The following BCL2L13 variants were observed in gnomAD, a reference collection of about 807,000 sequenced individuals.
BCL2L13 encodes the protein BCL2 like 13, also known as bcl-2-like protein 13.
BCL2L13 carries 13 observed loss-of-function variants against 25.8 expected under a neutral mutation model. The observed-to-expected ratio is 0.50, with a 90% CI of 0.33 to 0.80. BCL2L13 has a LOEUF of 0.80. BCL2L13 is among the 30% of genes least tolerant of loss of function. The pLI is 0.02. For synonymous variants in BCL2L13, 244 were observed against 230.3 expected (o/e 1.06, Z -0.54); for missense variants, 504 against 574.9 (o/e 0.88, Z 1.26).
chr22:17,645,030 C>T (rs1396089871), intron 1 of BCL2L13, among the ~76,000 whole-genome samples: 3 of 149,858 alleles, frequency 2.0e-5, no homozygotes, highest in African/African-American at 5.0e-5. Flanking sequence ...AGGATGGTCT[C>T]GATCTCCTAA....
At chr22:17,638,665 C>T, upstream of BCL2L13, 1 of 1,231,482 alleles carries the variant, frequency 8.1e-7, no homozygotes, top group Non-Finnish European at 1.0e-6. Flanking sequence ...CTCCGTTGGT[C>T]GGTCCTTCCG....
chr22:17,713,387 T>G (rs145834383), intron 6 of BCL2L13, among the ~76,000 whole-genome samples: 287 of 151,970 alleles, frequency 1.9e-3, no homozygotes, highest in African/African-American at 6.2e-3. Context: ...TAGTAGGTAT[T>G]GTAGAATATA....
chr22:17,666,499 T>C (rs2059238788), intron 2 of BCL2L13, among the ~76,000 whole-genome samples: 2 of 152,168 alleles, frequency 1.3e-5, no homozygotes, highest in Middle Eastern at 6.8e-3. Context: ...AGACCCCCAT[T>C]ACCCTTCTTA....
chr22:17,689,767 C>T (rs1346762797), intron 4 of BCL2L13, among the ~76,000 whole-genome samples: 4 of 149,952 alleles, frequency 2.7e-5, no homozygotes, highest in African/African-American at 9.8e-5. Flanking sequence ...CACTTGAACC[C>T]GGGAGGCAGA....
intron 6 of BCL2L13, among the ~76,000 whole-genome samples, chr22:17,720,154 T>TTTTCTTTCTTTATTTC (rs1555897225): frequency 7.1e-6 from 1 of 141,736 alleles, no homozygotes; most frequent in Non-Finnish European, 1.5e-5. Context: ...GTGGGTTTCA[T>TTTTCTTTCTTTATTTC]TTTCTTTCTT....
At chr22:17,676,975 TAGGC>T (rs1214496583) in intron 2 of BCL2L13, among the ~76,000 whole-genome samples, 1 of 152,234 alleles carries the variant, frequency 6.6e-6, no homozygotes, top group Non-Finnish European at 1.5e-5. Flanking sequence ...GTTATTTACT[TAGGC>T]AGAAGTAAGT....
At chr22:17,651,230 C>T (rs1355853809) in intron 1 of BCL2L13, among the ~76,000 whole-genome samples, 1 of 151,728 alleles carries the variant, frequency 6.6e-6, no homozygotes, top group East Asian at 1.9e-4. Flanking sequence ...GAACTCCTGA[C>T]CTCGTGATCT....
At chr22:17,631,664 G>GTA (rs2058019071) in intron 1 of BCL2L13, among the ~76,000 whole-genome samples, 46 of 26,886 alleles carry the variant, frequency 1.7e-3, no homozygotes, top group South Asian at 2.8e-3. Flanking sequence ...ATGTATGTGT[G>GTA]TGTGTGTATA....
At chr22:17,631,674 A>T (rs28498745) in intron 1 of BCL2L13, among the ~76,000 whole-genome samples, 1 of 14,406 alleles carries the variant, frequency 6.9e-5, no homozygotes, top group Non-Finnish European at 1.2e-4. Context: ...GTGTGTGTAT[A>T]TATATATATA....
At chr22:17,676,375 ATTGC>A (rs2059577030) in intron 2 of BCL2L13, among the ~76,000 whole-genome samples, 1 of 152,156 alleles carries the variant, frequency 6.6e-6, no homozygotes, top group Non-Finnish European at 1.5e-5. Context: ...AGGTGGGAGA[ATTGC>A]TTGAACCCAG....
chr22:17,698,980 A>C (rs1389401678), intron 5 of BCL2L13, among the ~76,000 whole-genome samples: 2 of 152,050 alleles, frequency 1.3e-5, no homozygotes, highest in Non-Finnish European at 2.9e-5. Flanking sequence ...TTTCCTGTAA[A>C]ATGTTCTCAT....
intron 1 of BCL2L13, among the ~76,000 whole-genome samples, chr22:17,639,991 A>G (rs2058215034): frequency 6.6e-6 from 1 of 151,876 alleles, no homozygotes; most frequent in Non-Finnish European, 1.5e-5. Flanking sequence ...AGTAGCTGGG[A>G]TTACAGGCAT....
In BCL2L13 at chr22:17,730,200, T is replaced by G. The variant is rs1197084329; in HGVS notation, c.*2666T>G. On this transcript the variant is annotated 3_prime_UTR_variant, in exon 7 of 7. Coordinates refer to ENST00000317582, the MANE Select transcript of BCL2L13 (RefSeq NM_015367.4). ...ATCCTCTCTGTATTAAAGTGATAATTCTGGGCCCACAGAAATCAGTCAGTA... is the reference window on the plus strand; with the variant it reads ...ATCCTCTCTGTATTAAAGTGATAATGCTGGGCCCACAGAAATCAGTCAGTA... 2.0e-5 allele frequency: 3 copies of G among 152,212 alleles called. No individual in the cohort carries two copies. Among genetic ancestry groups the G allele is most frequent in the African/African-American group, 7.2e-5 (3 of 41,448 alleles). 9.4% of individuals were successfully genotyped at this position (152,212 alleles called of 1,614,324 possible). A position where few individuals can be genotyped will look rare whatever the true frequency, so the allele number is the denominator to read the frequency against.
chr22:17,653,167 A>G (rs1199820039), intron 1 of BCL2L13, among the ~76,000 whole-genome samples: 6 of 152,168 alleles, frequency 3.9e-5, no homozygotes, highest in Admixed American at 1.3e-4. Flanking sequence ...AAAAAATTGT[A>G]AGCCAAACTG....
At chr22:17,653,851 A>G (rs570580726) in intron 1 of BCL2L13, among the ~76,000 whole-genome samples, 1 of 151,992 alleles carries the variant, frequency 6.6e-6, no homozygotes, top group Admixed American at 6.6e-5. Flanking sequence ...TTCTTTTTCT[A>G]TTTTTAAAAA....
intron 2 of BCL2L13, among the ~76,000 whole-genome samples, chr22:17,658,005 A>G (rs13054674): frequency 0.46 from 69,107 of 150,294 alleles, 16,762 homozygotes; most frequent in East Asian, 0.81. Flanking sequence ...AAATTTTAGT[A>G]GAGACAGGGT....
intron 2 of BCL2L13, among the ~76,000 whole-genome samples, chr22:17,681,454 G>T (rs960668408): frequency 6.6e-6 from 1 of 151,704 alleles, no homozygotes; most frequent in East Asian, 1.9e-4. Context: ...AGCAGAGCTT[G>T]CGCCACTGTA....
intron 5 of BCL2L13, 53 bp downstream of exon 5, chr22:17,696,263 G>C: frequency 7.2e-7 from 1 of 1,390,198 alleles, no homozygotes; most frequent in Non-Finnish European, 1.0e-6. Context: ...TTAATGATAA[G>C]ACGTAGGAGG....
In BCL2L13 at chr22:17,683,307, AAG is replaced by A; in HGVS notation, c.217_218del (p.Glu73AsnfsTer3). 6.5e-7 allele frequency: 1 copy of A among 1,549,852 alleles called. No individual in the cohort carries two copies. The highest frequency in any genetic ancestry group is 8.8e-7 in the Non-Finnish European group (1 of 1,135,482). On this transcript the variant is annotated frameshift_variant, in exon 3 of 7. Coordinates refer to ENST00000317582, the MANE Select transcript of BCL2L13 (RefSeq NM_015367.4). LOFTEE classifies it high-confidence loss of function. The stretch of plus-strand genomic sequence containing the variant: ...GAAGAAGAGCTAAAATCTCTGGACA[AAG>A]AAATTTCTGAAGGTCTGTTTATTCT...
Sources: gnomAD v4.1 joint callset for allele counts (sites outside exome capture counted in the v4.1 genomes callset) on GRCh38, gnomAD v4.1.1 for gene constraint, MANE v1.5 for transcripts, NCBI Gene and HGNC (gene_info 2026-07-23, HGNC 2026-07-21) for gene names.